POC1B: variants seen among roughly 807,000 people sequenced by gnomAD.
The protein encoded by POC1B is POC1 centriolar protein B.
A neutral mutation model predicts 60.6 loss-of-function variants in POC1B; 44 were observed. The ratio of observed to expected loss-of-function variants is 0.73; its 90% CI spans 0.57 to 0.93. The LOEUF (loss-of-function observed/expected upper bound fraction) is 0.93. Ranked by LOEUF, POC1B falls within the 40% of genes least tolerant of loss-of-function variation. The pLI is 0.00. For missense variants in POC1B, 555 were observed against 572.3 expected (o/e 0.97, Z 0.31); for synonymous variants, 180 against 198.9 (o/e 0.90, Z 0.80).
intron 10 of POC1B, among the ~76,000 whole-genome samples, chr12:89,454,932 A>G (rs1882191600): frequency 6.6e-6 from 1 of 150,876 alleles, no homozygotes; most frequent in South Asian, 2.1e-4. Flanking sequence ...GGATCCCACC[A>G]CATCTGCTGT....
Position 89,435,385 on chromosome 12 carries a change from T to C in POC1B, c.1114-10006A>G, listed in dbSNP as rs542742962. Among the ~76,000 whole-genome samples the C allele has an allele frequency of 1.3e-4, 20 of 152,260 alleles. No homozygotes were observed. The South Asian group carries it at 3.7e-3, about 28-fold the overall frequency. The stretch of plus-strand genomic sequence containing the variant: ...TAGTAGAGACAGGGTTTCACCATAT[T>C]GGTCAGGCTAGTCTCAAACTCCTGA... On this transcript the variant is annotated intron_variant, in intron 10 of 11. Transcript: ENST00000313546.
At chr12:89,458,654 C>T (rs1882353353) in intron 10 of POC1B, among the ~76,000 whole-genome samples, 1 of 152,170 alleles carries the variant, frequency 6.6e-6, no homozygotes, top group South Asian at 2.1e-4. Flanking sequence ...AATTCCTCTA[C>T]AATAAATACT....
intron 4 of POC1B, among the ~76,000 whole-genome samples, chr12:89,474,975 C>T (rs1468721143): frequency 6.6e-6 from 1 of 152,118 alleles, no homozygotes; most frequent in Non-Finnish European, 1.5e-5. Context: ...ATTCCCTGAG[C>T]ACTTGTCAGT....
chr12:89,522,033 A>G (rs1232601917), intron 2 of POC1B: 1 of 398,928 alleles, frequency 2.5e-6, no homozygotes, highest in Non-Finnish European at 4.4e-6. Flanking sequence ...AACTTAAGGA[A>G]GTGCAATCAG....
At chr12:89,475,092 C>G (rs1883052642) in intron 4 of POC1B, among the ~76,000 whole-genome samples, 1 of 151,870 alleles carries the variant, frequency 6.6e-6, no homozygotes, top group Non-Finnish European at 1.5e-5. Context: ...GGAGGGCACA[C>G]AAAAAACATA....
At chr12:89,512,819 G>A (rs1370274221) in intron 2 of POC1B, among the ~76,000 whole-genome samples, 4 of 152,258 alleles carry the variant, frequency 2.6e-5, no homozygotes, top group Non-Finnish European at 4.4e-5. Flanking sequence ...AAGAGGAAAC[G>A]AGGCTTAGTG....
intron 4 of POC1B, among the ~76,000 whole-genome samples, chr12:89,490,461 C>G (rs917929672): frequency 3.3e-5 from 5 of 152,180 alleles, no homozygotes; most frequent in Non-Finnish European, 7.3e-5. Context: ...TCTCCTGCCT[C>G]AGTCTCCCAA....
intron 9 of POC1B, among the ~76,000 whole-genome samples, chr12:89,465,970 T>G (rs1359746550): frequency 6.6e-6 from 1 of 152,226 alleles, no homozygotes. Flanking sequence ...TGAGGGTACA[T>G]GCACAGCATG....
chr12:89,455,150 A>G (rs1882202030), intron 10 of POC1B, among the ~76,000 whole-genome samples: 1 of 152,158 alleles, frequency 6.6e-6, no homozygotes, highest in African/African-American at 2.4e-5. Flanking sequence ...CTTGGCCAAC[A>G]TGGTGAAACC....
chr12:89,523,536 G>A (rs985837919), intron 2 of POC1B: 1 of 1,603,674 alleles, frequency 6.2e-7, no homozygotes, highest in Non-Finnish European at 8.5e-7. Flanking sequence ...ACAGCTCAAG[G>A]TTTTCACCTC....
intron 4 of POC1B, among the ~76,000 whole-genome samples, chr12:89,474,406 CA>C (rs1242019199): frequency 6.6e-6 from 1 of 152,056 alleles, no homozygotes; most frequent in Non-Finnish European, 1.5e-5. Flanking sequence ...TAGATAATAA[CA>C]AAATATAGAA....
intron 2 of POC1B, among the ~76,000 whole-genome samples, chr12:89,502,861 T>C (rs1011100243): frequency 3.3e-5 from 5 of 152,190 alleles, no homozygotes; most frequent in South Asian, 2.1e-4. Flanking sequence ...ATTCGTTCTA[T>C]GTTCCTTCAG....
At chr12:89,466,160 A>G (rs1882676527) in intron 9 of POC1B, among the ~76,000 whole-genome samples, 1 of 152,232 alleles carries the variant, frequency 6.6e-6, no homozygotes, top group Admixed American at 6.5e-5. Flanking sequence ...AGAATAGGCT[A>G]ACATCAGCTA....
chr12:89,513,855 G>A (rs1242903715), intron 2 of POC1B, among the ~76,000 whole-genome samples: 1 of 152,210 alleles, frequency 6.6e-6, no homozygotes, highest in Non-Finnish European at 1.5e-5. Flanking sequence ...CATGAAGCCA[G>A]TCCCTGGTGC....
downstream of POC1B, among the ~76,000 whole-genome samples, chr12:89,419,491 A>T (rs1272381261): frequency 6.6e-6 from 1 of 152,186 alleles, no homozygotes; most frequent in Non-Finnish European, 1.5e-5. Flanking sequence ...GGTGGTTCCT[A>T]AAGTGTGGAC....
chr12:89,523,808 C>T, intron 2 of POC1B: 1 of 1,535,222 alleles, frequency 6.5e-7, no homozygotes, highest in South Asian at 1.3e-5. Context: ...ACTGCTGTTT[C>T]ATCTCTCCCA....
At chr12:89,425,476 G>A in intron 10 of POC1B, 97 bp from the exon 11 acceptor site, 3 of 897,088 alleles carry the variant, frequency 3.3e-6, no homozygotes, top group South Asian at 2.0e-5. Context: ...AAAAGCCCAG[G>A]CTTACATTGA....
chr12:89,424,047 TACA>T (rs1880652324), intron 11 of POC1B, among the ~76,000 whole-genome samples: 1 of 152,204 alleles, frequency 6.6e-6, no homozygotes, highest in Admixed American at 6.5e-5. Context: ...TCACGTCTAG[TACA>T]ACATTACAAA....
intron 3 of POC1B, among the ~76,000 whole-genome samples, chr12:89,493,890 C>A (rs544313150): frequency 6.6e-6 from 1 of 152,276 alleles, no homozygotes; most frequent in Admixed American, 6.5e-5. Context: ...GTGCTGGTGC[C>A]TAACTGGTTT....
Sources: gnomAD v4.1 joint callset for allele counts (sites outside exome capture counted in the v4.1 genomes callset) on GRCh38, gnomAD v4.1.1 for gene constraint, MANE v1.5 for transcripts, NCBI Gene and HGNC (gene_info 2026-07-23, HGNC 2026-07-21) for gene names.